Variants in ENAH observed in about 807,000 individuals in gnomAD.
ENAH encodes protein enabled homolog.
Under a neutral mutation model 78.7 loss-of-function variants are expected in ENAH, and 23 were observed. That is an observed-to-expected ratio of 0.29 (90% CI 0.21 to 0.41). The LOEUF (loss-of-function observed/expected upper bound fraction) is 0.41, where lower values mean the gene tolerates loss of function less well. ENAH is among the 10% of genes least tolerant of loss of function. The pLI, the probability that ENAH is intolerant of heterozygous loss-of-function variation, is 1.00. For synonymous variants in ENAH, 226 were observed against 241.0 expected (o/e 0.94, Z 0.58); for missense variants, 544 against 691.0 (o/e 0.79, Z 2.39).
chr1:225,501,234 AAAC>A, intron 11 of ENAH, 164 bp from the exon 12 acceptor site: 3 of 505,700 alleles, frequency 5.9e-6, no homozygotes, highest in Non-Finnish European at 1.1e-5. Flanking sequence ...TTAGAACATA[AAAC>A]AACATTTTTT....
At chr1:225,525,673 T>C (rs1180003397) in intron 4 of ENAH, among the ~76,000 whole-genome samples, 1 of 152,222 alleles carries the variant, frequency 6.6e-6, no homozygotes, top group East Asian at 1.9e-4. Flanking sequence ...CATGGGTTCA[T>C]CATTCTTGCT....
At chr1:225,634,507 T>C (rs1419659490) in intron 1 of ENAH, among the ~76,000 whole-genome samples, 1 of 152,134 alleles carries the variant, frequency 6.6e-6, no homozygotes, top group Non-Finnish European at 1.5e-5. Context: ...CATCCCACAA[T>C]TCACAGTACA....
chr1:225,537,747 C>T (rs1015173421), intron 3 of ENAH, among the ~76,000 whole-genome samples: 3 of 150,918 alleles, frequency 2.0e-5, no homozygotes, highest in African/African-American at 7.3e-5. Flanking sequence ...CACGGCTGTC[C>T]CTTTATCGCT....
At chr1:225,499,725 TC>T (rs2096271287) in intron 12 of ENAH, among the ~76,000 whole-genome samples, 1 of 151,986 alleles carries the variant, frequency 6.6e-6, no homozygotes, top group Admixed American at 6.6e-5. Flanking sequence ...AGATCAGAGG[TC>T]CCATGACAAA....
intron 11 of ENAH, among the ~76,000 whole-genome samples, chr1:225,503,468 G>T (rs1376804924): frequency 1.3e-5 from 2 of 151,902 alleles, no homozygotes; most frequent in Non-Finnish European, 2.9e-5. Flanking sequence ...TAGAGACAGG[G>T]TTTAACCACA....
chr1:225,640,017 G>A (rs901347786), intron 1 of ENAH, among the ~76,000 whole-genome samples: 2 of 152,146 alleles, frequency 1.3e-5, no homozygotes, highest in Non-Finnish European at 2.9e-5. Flanking sequence ...TTAACAGATT[G>A]TAAATTAATA....
In ENAH at chr1:225,491,546, T is replaced by A. The variant is rs2096222395; in HGVS notation, c.*6229A>T. Reference sequence around the variant, plus strand: ...ACAGATGTGACTAAAGCATGGACTGTTAGGCGCTTAAGAGACCAAATTTTT... The same window carrying A: ...ACAGATGTGACTAAAGCATGGACTGATAGGCGCTTAAGAGACCAAATTTTT... On this transcript the variant is annotated 3_prime_UTR_variant, in exon 14 of 14. Coordinates refer to ENST00000366843, the MANE Select transcript of ENAH (RefSeq NM_018212.6). 6.6e-6 allele frequency: 1 copy of A among 151,546 alleles called. No homozygotes were observed. Among genetic ancestry groups the A allele is most frequent in the African/African-American group, 2.4e-5 (1 of 41,078 alleles). The allele number at this position is 151,546 out of a possible 1,614,324, so 9.4% of individuals were successfully genotyped here. A position where few individuals can be genotyped will look rare whatever the true frequency, so the allele number is the denominator to read the frequency against.
chr1:225,643,286 G>C (rs761922966), intron 1 of ENAH, among the ~76,000 whole-genome samples: 1 of 152,074 alleles, frequency 6.6e-6, no homozygotes, highest in Non-Finnish European at 1.5e-5. Context: ...AATAGTTCAG[G>C]TAAGAGATAA....
At chr1:225,525,639 G>C (rs1437404022) in intron 4 of ENAH, among the ~76,000 whole-genome samples, 1 of 152,156 alleles carries the variant, frequency 6.6e-6, no homozygotes, top group African/African-American at 2.4e-5. Context: ...TCCTAAGTTG[G>C]ATTCCTTGTC....
Position 225,487,513 on chromosome 1 carries a change from C to T in ENAH, c.*10262G>A, listed in dbSNP as rs538430495. 4 of 152,320 alleles carry T rather than the reference C, an allele frequency of 2.6e-5. No homozygotes were observed. The highest frequency in any genetic ancestry group is 1.3e-4 in the Admixed American group (2 of 15,298). The allele number at this position is 152,320 out of a possible 1,614,324, so 9.4% of individuals were successfully genotyped here. ...TACCAGTTTCCCTTACCCTTGAATTCGGCAAGGCCCATTAATTCACAAATT... is the reference window on the plus strand; with the variant it reads ...TACCAGTTTCCCTTACCCTTGAATTTGGCAAGGCCCATTAATTCACAAATT... On this transcript the variant is annotated 3_prime_UTR_variant, in exon 14 of 14. Coordinates refer to ENST00000366843, the MANE Select transcript of ENAH (RefSeq NM_018212.6).
chr1:225,585,149 G>A (rs1245992892), intron 1 of ENAH, among the ~76,000 whole-genome samples: 10 of 139,868 alleles, frequency 7.1e-5, no homozygotes, highest in Non-Finnish European at 1.5e-4. Flanking sequence ...CTGAGAGGCA[G>A]AGGTTGCAGC....
Position 225,530,598 on chromosome 1 carries a change from T to G in ENAH, c.390A>C (p.Gln130His). 6.2e-7 allele frequency: 1 copy of G among 1,613,672 alleles called. No homozygotes were observed. Among genetic ancestry groups the G allele is most frequent in the South Asian group, 1.1e-5 (1 of 91,058 alleles). Residue 130 changes from glutamine (Q) to histidine (H), a missense_variant, in exon 4 of 14, where the codon CAA (glutamine) becomes CAC (histidine). Physicochemically the swap from Gln to His is conservative, Grantham distance 24. Around this residue, in one of 4 missense-constraint regions of ENAH, gnomAD observed 366 missense variants for 396.1 expected, o/e 0.92. Transcript: ENST00000366843. Reference protein sequence around the residue: ...LPRQNSQLPAQVQNGPSQEEL... With the variant: ...LPRQNSQLPAHVQNGPSQEEL... The stretch of plus-strand genomic sequence containing the variant: ...CTTCTTGGGATGGGCCATTTTGAAC[T>G]TGAGCAGGTAGTTGTGAGTTTTGTC...
At chr1:225,540,925 A>G (rs2096585615) in intron 3 of ENAH, among the ~76,000 whole-genome samples, 1 of 152,200 alleles carries the variant, frequency 6.6e-6, no homozygotes, top group Admixed American at 6.5e-5. Context: ...ATGCTACAAG[A>G]TGTATGAGCC....
At chr1:225,607,595 C>T (rs1235445897) in intron 1 of ENAH, among the ~76,000 whole-genome samples, 1 of 150,136 alleles carries the variant, frequency 6.7e-6, no homozygotes, top group Non-Finnish European at 1.5e-5. Context: ...ATAACCCAAA[C>T]AATGCCATCA....
chr1:225,588,795 CTG>C (rs2096860280), intron 1 of ENAH, among the ~76,000 whole-genome samples: 1 of 95,588 alleles, frequency 1.0e-5, no homozygotes, highest in Non-Finnish European at 1.9e-5. Context: ...TAGAGCAAGT[CTG>C]TGTCAAAAAA....
intron 1 of ENAH, among the ~76,000 whole-genome samples, chr1:225,628,576 T>C (rs1658370243): frequency 2.0e-5 from 3 of 152,086 alleles, no homozygotes; most frequent in African/African-American, 4.8e-5. Context: ...ATCACACATA[T>C]ATAAATGCAC....
At chr1:225,498,492 A>G in intron 12 of ENAH, 88 bp from the exon 13 acceptor site, 1 of 787,852 alleles carries the variant, frequency 1.3e-6, no homozygotes, top group Non-Finnish European at 2.0e-6. Flanking sequence ...AATGTCATGA[A>G]ATATGATGTG....
chr1:225,526,416 GCGAC>G (rs2096505702), intron 4 of ENAH, among the ~76,000 whole-genome samples: 2 of 148,472 alleles, frequency 1.3e-5, no homozygotes, highest in Admixed American at 6.8e-5. Context: ...TCAGCTCATT[GCGAC>G]CTTGGCCTCC....
chr1:225,622,376 G>A (rs573216964), intron 1 of ENAH, among the ~76,000 whole-genome samples: 43 of 152,092 alleles, frequency 2.8e-4, no homozygotes, highest in Non-Finnish European at 2.9e-4. Flanking sequence ...TCCTTTGAGC[G>A]CAGGAGTTAG....
Sources: gnomAD v4.1 joint callset for allele counts (sites outside exome capture counted in the v4.1 genomes callset) on GRCh38, gnomAD v4.1.1 for gene constraint, gnomAD v4.1.1 regional missense constraint, MANE v1.5 for transcripts, NCBI Gene and HGNC (gene_info 2026-07-23, HGNC 2026-07-21) for gene names.